The following GRIK1 variants were observed in gnomAD, a reference collection of about 807,000 sequenced individuals.
GRIK1 encodes the protein glutamate ionotropic receptor kainate type subunit 1, also known as glutamate receptor ionotropic, kainate 1.
In GRIK1, 69 loss-of-function variants were observed where a neutral mutation model predicts 105.7. That is an observed-to-expected ratio of 0.65 (90% CI 0.54 to 0.80). The LOEUF (loss-of-function observed/expected upper bound fraction) is 0.80, where lower values mean the gene tolerates loss of function less well. GRIK1 is among the 30% of genes least tolerant of loss of function. The pLI is 0.00. For synonymous variants in GRIK1, 438 were observed against 431.3 expected (o/e 1.02, Z -0.19); for missense variants, 1,109 against 1,167.3 (o/e 0.95, Z 0.73).
At chr21:29,608,308 T>A (rs867647026) in intron 7 of GRIK1, among the ~76,000 whole-genome samples, 20 of 152,114 alleles carry the variant, frequency 1.3e-4, no homozygotes, top group Admixed American at 1.0e-3. Flanking sequence ...TTCCAAAGTA[T>A]GAAACAGTAT....
intron 1 of GRIK1, among the ~76,000 whole-genome samples, chr21:29,878,389 A>G (rs901442590): frequency 3.3e-5 from 5 of 152,248 alleles, no homozygotes; most frequent in South Asian, 2.1e-4. Flanking sequence ...GTGCAATGTG[A>G]ATGGTGCTAT....
intron 6 of GRIK1, among the ~76,000 whole-genome samples, chr21:29,650,056 C>T (rs970761643): frequency 2.0e-4 from 31 of 152,216 alleles, no homozygotes; most frequent in African/African-American, 7.2e-4. Flanking sequence ...TCAAATCATC[C>T]CAGGGCTCAT....
intron 1 of GRIK1, among the ~76,000 whole-genome samples, chr21:29,781,181 A>C (rs1434750802): frequency 2.6e-5 from 4 of 152,070 alleles, no homozygotes; most frequent in African/African-American, 7.2e-5. Context: ...ATATACACAA[A>C]ATTTTATATA....
At chr21:29,686,397 C>T (rs907234958) in intron 3 of GRIK1, among the ~76,000 whole-genome samples, 1 of 152,028 alleles carries the variant, frequency 6.6e-6, no homozygotes, top group East Asian at 1.9e-4. Context: ...GATGAGGAAG[C>T]CAGGAGGGCC....
At chr21:29,807,591 T>C (rs2066900491) in intron 1 of GRIK1, among the ~76,000 whole-genome samples, 1 of 152,100 alleles carries the variant, frequency 6.6e-6, no homozygotes, top group African/African-American at 2.4e-5. Flanking sequence ...ATCTGCTCTA[T>C]GGTGACATTC....
rs557124508 is a variant in GRIK1 at position 29,803,516 on chromosome 21, G to C, written c.119-109453C>G. ...TTGTGTTGAGAGAATTTTCTGGGCT[G>C]GGGCTCTGAACTTCAAAGACAATTT... On this transcript the variant is annotated intron_variant, in intron 1 of 17. Coordinates refer to ENST00000327783, the MANE Select transcript of GRIK1 (RefSeq NM_001330994.2). Among the ~76,000 whole-genome samples, 15 of 152,190 alleles carry C rather than the reference G, an allele frequency of 9.9e-5. No individual in the cohort carries two copies. The East Asian group carries it at 2.9e-3, about 29-fold the overall frequency.
intron 1 of GRIK1, among the ~76,000 whole-genome samples, chr21:29,716,156 T>G (rs1165612103): frequency 6.6e-6 from 1 of 152,122 alleles, no homozygotes; most frequent in East Asian, 1.9e-4. Flanking sequence ...TGATTGTAAG[T>G]TTCCTGAGGC....
chr21:29,637,620 G>A (rs2062423862), intron 7 of GRIK1, among the ~76,000 whole-genome samples: 1 of 152,210 alleles, frequency 6.6e-6, no homozygotes. Context: ...TGAGGACAAA[G>A]TGCAAGACAG....
At chr21:29,760,521 T>A (rs1306725238) in intron 1 of GRIK1, 1 of 152,234 alleles carries the variant, frequency 6.6e-6, no homozygotes, top group Non-Finnish European at 1.5e-5. Flanking sequence ...AACAGTGTTT[T>A]CAAACGTTCC....
At chr21:29,752,293 T>G (rs1181807871) in intron 1 of GRIK1, among the ~76,000 whole-genome samples, 1 of 152,238 alleles carries the variant, frequency 6.6e-6, no homozygotes, top group African/African-American at 2.4e-5. Context: ...ATGATATCCT[T>G]AACAGTAGCT....
chr21:29,673,049 C>T lies in GRIK1; in HGVS notation c.660G>A (p.Lys220=). Residue 220 remains lysine (K), a synonymous_variant, in exon 4 of 18, where the codon AAG becomes AAA. Transcript: ENST00000327783. ...KDAKPLLKEM[K]KGKEFYVIFD... ...ATATCACATAGAACTCCTTGCCTTT[C>T]TTCATCTCCTTGAGTAAAGGCTTGG... 1 of 1,612,936 alleles carries T rather than the reference C, an allele frequency of 6.2e-7. No homozygotes were observed. Among genetic ancestry groups the T allele is most frequent in the Non-Finnish European group, 8.5e-7 (1 of 1,178,966 alleles).
At position 29,576,845 on chromosome 21, in the gene GRIK1, TA is replaced by T. The variant is rs925657951; in HGVS notation, c.2130+118del. ...TATGTAATTATAAATTTTATTTCATTAAAAAAATTACCCAACATCTTTTTTT... is the reference window on the plus strand; with the variant it reads ...TATGTAATTATAAATTTTATTTCATTAAAAAATTACCCAACATCTTTTTTT... On this transcript the variant is annotated intron_variant, in intron 14 of 17. Coordinates refer to ENST00000327783, the MANE Select transcript of GRIK1 (RefSeq NM_001330994.2). The T allele has an allele frequency of 1.4e-4, 87 of 631,112 alleles. 1 individual carries two copies. In the East Asian group the frequency reaches 2.2e-3, roughly 16 times the overall value. 39.1% of individuals were successfully genotyped at this position (631,112 alleles called of 1,614,324 possible).
intron 6 of GRIK1, among the ~76,000 whole-genome samples, chr21:29,650,357 G>T (rs1444878542): frequency 6.6e-6 from 1 of 152,166 alleles, no homozygotes; most frequent in Non-Finnish European, 1.5e-5. Context: ...TTACCTGCCT[G>T]CATTCCACAA....
intron 1 of GRIK1, among the ~76,000 whole-genome samples, chr21:29,726,226 G>A (rs1361209199): frequency 1.3e-5 from 2 of 152,160 alleles, no homozygotes; most frequent in Non-Finnish European, 2.9e-5. Flanking sequence ...GGAAAATGAG[G>A]ATAGTTTCAA....
intron 14 of GRIK1, 112 bp downstream of exon 14, chr21:29,576,852 A>G: frequency 3.1e-6 from 2 of 648,014 alleles, no homozygotes; most frequent in Non-Finnish European, 5.2e-6. Flanking sequence ...CATTAAAAAA[A>G]TTACCCAACA....
chr21:29,814,712 C>A (rs1221873245), intron 1 of GRIK1, among the ~76,000 whole-genome samples: 2 of 152,172 alleles, frequency 1.3e-5, no homozygotes, highest in African/African-American at 4.8e-5. Context: ...AGAAATTCAT[C>A]TTTAAATCCT....
chr21:29,752,781 G>A (rs2065238224), intron 1 of GRIK1, among the ~76,000 whole-genome samples: 1 of 152,244 alleles, frequency 6.6e-6, no homozygotes, highest in South Asian at 2.1e-4. Flanking sequence ...AGGCTACAGT[G>A]AACTAGGATC....
chr21:29,635,296 G>A (rs1216510770), intron 7 of GRIK1, among the ~76,000 whole-genome samples: 3 of 152,184 alleles, frequency 2.0e-5, no homozygotes, highest in African/African-American at 7.2e-5. Flanking sequence ...CTCCAGAGAT[G>A]GTTCTAGATC....
At chr21:29,893,247 G>T (rs796976125) in intron 1 of GRIK1, among the ~76,000 whole-genome samples, 14 of 152,172 alleles carry the variant, frequency 9.2e-5, no homozygotes, top group African/African-American at 3.4e-4. Flanking sequence ...TTGAATCCTG[G>T]TTTTTTATTT....
Sources: gnomAD v4.1 joint callset for allele counts (sites outside exome capture counted in the v4.1 genomes callset) on GRCh38, gnomAD v4.1.1 for gene constraint, MANE v1.5 for transcripts, NCBI Gene and HGNC (gene_info 2026-07-23, HGNC 2026-07-21) for gene names.